ZFAND4: variants seen among roughly 807,000 people sequenced by gnomAD.
ZFAND4 encodes the protein AN1-type zinc finger protein 4.
In ZFAND4, 43 loss-of-function variants were observed where a neutral mutation model predicts 64.4. That is an observed-to-expected ratio of 0.67 (90% CI 0.52 to 0.86). The LOEUF is 0.86. Ranked by LOEUF, ZFAND4 falls within the 40% of genes least tolerant of loss-of-function variation. The probability of loss-of-function intolerance (pLI) is 0.00; values close to 1 mark genes in which losing one functional copy is unlikely to be tolerated. For synonymous variants in ZFAND4, 296 were observed against 305.7 expected, an observed-to-expected ratio of 0.97 and a Z score of 0.33; for missense variants, 929 against 859.8, an observed-to-expected ratio of 1.08 and a Z score of -1.01.
Position 45,626,790 on chromosome 10 carries a change from C to A in ZFAND4, c.1033G>T (p.Glu345Ter). 3.1e-6 allele frequency: 5 copies of A among 1,614,188 alleles called. No individual in the cohort carries two copies. Among genetic ancestry groups the A allele is most frequent in the Non-Finnish European group, 4.2e-6 (5 of 1,180,036 alleles). Residue 345 changes from glutamate to a stop codon, truncating the protein, a stop_gained, in exon 7 of 10, where the codon GAG becomes TAG. Transcript: ENST00000344646. LOFTEE classifies it high-confidence loss of function. ...VKLPPQIPHL[E>*]LGNDQELADS... ...GCAAGCTCCTGGTCATTTCCCAACT[C>A]CAAATGGGGTATCTGAGGAGGTAGT...
At chr10:45,617,287 G>A (rs1402557741) in intron 9 of ZFAND4, among the ~76,000 whole-genome samples, 1 of 151,896 alleles carries the variant, frequency 6.6e-6, no homozygotes, top group East Asian at 1.9e-4. Context: ...AATATTTCTA[G>A]TAGCAAAATA....
intron 5 of ZFAND4, among the ~76,000 whole-genome samples, chr10:45,644,364 T>C (rs2047229287): frequency 6.6e-6 from 1 of 152,202 alleles, no homozygotes; most frequent in African/African-American, 2.4e-5. Flanking sequence ...AAATAGACAT[T>C]ACCAGGTTAG....
At chr10:45,661,105 C>T (rs1315713920) in intron 2 of ZFAND4, among the ~76,000 whole-genome samples, 2 of 152,156 alleles carry the variant, frequency 1.3e-5, no homozygotes, top group Non-Finnish European at 2.9e-5. Flanking sequence ...GGTCTGTAAT[C>T]CCAGCTCTTT....
intron 1 of ZFAND4, among the ~76,000 whole-genome samples, chr10:45,664,278 T>TC (rs2048664077): frequency 6.6e-6 from 1 of 151,760 alleles, no homozygotes; most frequent in South Asian, 2.1e-4. Context: ...ATTTGACTTT[T>TC]TTTTTTTTTT....
chr10:45,622,009 T>C (rs1004749762), intron 8 of ZFAND4, among the ~76,000 whole-genome samples: 5 of 151,848 alleles, frequency 3.3e-5, no homozygotes, highest in Admixed American at 6.6e-5. Context: ...GCTGAGTGAG[T>C]AGGGATGGGT....
chr10:45,624,958 C>G (rs1318197081), intron 7 of ZFAND4, among the ~76,000 whole-genome samples: 2 of 152,024 alleles, frequency 1.3e-5, no homozygotes, highest in African/African-American at 4.8e-5. Context: ...GATTGCACCA[C>G]TGTGTTCCAG....
Position 45,616,185 on chromosome 10 carries a change from A to T in ZFAND4, c.*251T>A. 1 of 455,070 alleles carries T rather than the reference A, an allele frequency of 2.2e-6. No individual in the cohort carries two copies. Among genetic ancestry groups the T allele is most frequent in the Non-Finnish European group, 3.9e-6 (1 of 257,322 alleles). 28.2% of individuals were successfully genotyped at this position (455,070 alleles called of 1,614,324 possible). ...CTGCAATATCATATACAAAACACTT[A>T]ACACAAGACATGCAATAACAAAGCT... is the stretch of plus-strand genomic sequence containing the variant. On this transcript the variant is annotated 3_prime_UTR_variant, in exon 10 of 10. Transcript: ENST00000344646.
At chr10:45,631,421 T>C (rs1178428888) in intron 6 of ZFAND4, among the ~76,000 whole-genome samples, 3 of 151,146 alleles carry the variant, frequency 2.0e-5, no homozygotes, top group African/African-American at 7.3e-5. Context: ...ATAAAAGACT[T>C]GAATCTTTAT....
At chr10:45,649,624 A>G (rs984136070) in intron 4 of ZFAND4, 4 of 152,242 alleles carry the variant, frequency 2.6e-5, no homozygotes, top group Admixed American at 2.6e-4. Context: ...AAAATCTTAT[A>G]ATATGGTTTA....
chr10:45,651,720 T>C, intron 4 of ZFAND4: 2 of 575,488 alleles, frequency 3.5e-6, no homozygotes, highest in South Asian at 1.6e-5. Context: ...TTCCCTATAC[T>C]GGCAAAAGGT....
intron 6 of ZFAND4, among the ~76,000 whole-genome samples, chr10:45,628,273 A>C (rs573950694): frequency 3.5e-4 from 54 of 152,360 alleles, no homozygotes; most frequent in African/African-American, 1.3e-3. Flanking sequence ...TGAGGCAAGA[A>C]AAATTAGAGG....
At chr10:45,665,174 G>A (rs2048737484) in intron 1 of ZFAND4, among the ~76,000 whole-genome samples, 1 of 152,082 alleles carries the variant, frequency 6.6e-6, no homozygotes, top group South Asian at 2.1e-4. Flanking sequence ...CTCTATACAG[G>A]GGGGCCTTGA....
At chr10:45,618,352 A>G (rs957330351) in intron 8 of ZFAND4, 92 bp from the exon 9 acceptor site, 43 of 1,439,004 alleles carry the variant, frequency 3.0e-5, no homozygotes, top group Non-Finnish European at 3.8e-5. Flanking sequence ...GTCCTATCAA[A>G]GTAAATATCT....
chr10:45,662,036 G>A (rs902605894), intron 2 of ZFAND4, among the ~76,000 whole-genome samples: 1 of 152,026 alleles, frequency 6.6e-6, no homozygotes, highest in Non-Finnish European at 1.5e-5. Flanking sequence ...ACCTGCCCAT[G>A]CTGGTACCCT....
rs182194217 is a variant in ZFAND4 at position 45,643,538 on chromosome 10, C to A, written c.570-3575G>T. 5.9e-5 allele frequency among the ~76,000 whole-genome samples: 9 copies of A among 151,568 alleles called. No individual in the cohort carries two copies. In the East Asian group the frequency reaches 1.8e-3, roughly 30 times the overall value. ...ACAAAAAATTAGCTGGGCATGGTGG[C>A]GGGCGCCTGTAGTCCCAGCTACTTG... On this transcript the variant is annotated intron_variant, in intron 5 of 9. Coordinates refer to ENST00000344646, the MANE Select transcript of ZFAND4 (RefSeq NM_174890.4).
At position 45,671,702 on chromosome 10, in the gene ZFAND4, G is replaced by A. The variant is rs566903046; in HGVS notation, c.-118+548C>T. Among the ~76,000 whole-genome samples the A allele has an allele frequency of 1.3e-3, 194 of 152,112 alleles. 1 individual carries two copies. Among genetic ancestry groups the A allele is most frequent in the African/African-American group, 4.3e-3 (179 of 41,480 alleles). On this transcript the variant is annotated intron_variant, in intron 1 of 9. Coordinates refer to ENST00000344646, the MANE Select transcript of ZFAND4 (RefSeq NM_174890.4). ...TGTCGTGGGGAGTGAGATGGGGGGA[G>A]GGATAGCATTAAGAGAAATACGCAA... is the stretch of plus-strand genomic sequence containing the variant.
At chr10:45,663,940 GC>G in intron 1 of ZFAND4, 98 bp from the exon 2 acceptor site, 2 of 413,188 alleles carry the variant, frequency 4.8e-6, no homozygotes, top group Non-Finnish European at 4.2e-6. Flanking sequence ...CTTCCAGACG[GC>G]CCCAGAATTC....
chr10:45,644,675 G>T (rs1277961530), intron 5 of ZFAND4, among the ~76,000 whole-genome samples: 1 of 152,140 alleles, frequency 6.6e-6, no homozygotes, highest in Non-Finnish European at 1.5e-5. Flanking sequence ...TGATAGAATT[G>T]GAAGTAATGT....
At chr10:45,665,548 G>GA (rs1055621013) in intron 1 of ZFAND4, among the ~76,000 whole-genome samples, 3 of 149,102 alleles carry the variant, frequency 2.0e-5, no homozygotes, top group East Asian at 1.9e-4. Flanking sequence ...CATTAAATAA[G>GA]AAAAAAAAAG....
Sources: gnomAD v4.1 joint callset for allele counts (sites outside exome capture counted in the v4.1 genomes callset) on GRCh38, gnomAD v4.1.1 for gene constraint, MANE v1.5 for transcripts, NCBI Gene and HGNC (gene_info 2026-07-23, HGNC 2026-07-21) for gene names.